EIF3I: variants seen among roughly 807,000 people sequenced by gnomAD.
EIF3I encodes TGF-beta receptor-interacting protein 1.
EIF3I carries 20 observed loss-of-function variants against 43.3 expected under a neutral mutation model. The observed-to-expected ratio is 0.46, with a 90% confidence interval of 0.32 to 0.67. EIF3I has a LOEUF of 0.67. EIF3I is among the 30% of genes least tolerant of loss of function. The probability of loss-of-function intolerance (pLI) is 0.03; values close to 1 mark genes in which losing one functional copy is unlikely to be tolerated. For synonymous variants in EIF3I, 167 were observed against 151.7 expected (o/e 1.10, Z -0.74); for missense variants, 279 against 421.4 (o/e 0.66, Z 2.96).
chr1:32,234,353 A>C (rs1333734122), downstream of EIF3I: 2 of 151,276 alleles, frequency 1.3e-5, no homozygotes, highest in African/African-American at 2.4e-5. Flanking sequence ...CAGGTATCCA[A>C]CCCTTTCCTG....
At chr1:32,226,310 G>A (rs199681410) in exon 5 of EIF3I, 364 of 1,614,014 alleles carry the variant, frequency 2.3e-4, no homozygotes, top group East Asian at 1.8e-4. Flanking sequence ...TGCGGGATCC[G>A]AGCCAGATTG....
In EIF3I at chr1:32,229,013, C is replaced by A. The variant is rs934191548; in HGVS notation, c.730-122C>A. On this transcript the variant is annotated intron_variant, in intron 8 of 11. Coordinates refer to ENST00000676679, the Ensembl canonical transcript of EIF3I. ...GGAGGTGGCAGAAGTGTCTGATCAT[C>A]CCCTACCTTTGGTATCCTCCCATTG... 5.1e-6 allele frequency: 6 copies of A among 1,179,124 alleles called. No individual in the cohort carries two copies. In the Admixed American group the frequency reaches 1.3e-4, roughly 25 times the overall value. 73.0% of individuals were successfully genotyped at this position (1,179,124 alleles called of 1,614,324 possible).
exon 12 of EIF3I, chr1:32,231,288 T>G (rs1569865039): frequency 8.3e-7 from 1 of 1,205,484 alleles, no homozygotes; most frequent in East Asian, 2.4e-5. Flanking sequence ...GTCAGGAGTT[T>G]AAGACCAGCC....
exon 12 of EIF3I, chr1:32,231,180 T>C (rs1359316721): frequency 3.7e-6 from 6 of 1,613,806 alleles, no homozygotes; most frequent in Non-Finnish European, 5.1e-6. Flanking sequence ...TACTTCGAAT[T>C]TGAGTTTGAG....
At chr1:32,228,888 T>C (rs558416925) in intron 8 of EIF3I, 72 bp downstream of exon 8, 3 of 1,334,190 alleles carry the variant, frequency 2.2e-6, no homozygotes, top group African/African-American at 1.4e-5. Flanking sequence ...TGTCCAGAAG[T>C]TGGGCTACAA....
In EIF3I at chr1:32,228,480, A is replaced by G; in HGVS notation, c.529-19A>G. The G allele has an allele frequency of 6.2e-7, 1 of 1,607,464 alleles. No individual in the cohort carries two copies. On this transcript the variant is annotated intron_variant, in intron 6 of 11. Transcript: ENST00000676679. ...GTAGGGATTGGGCCCATTCAGTGTC[A>G]CTCTTCTTCCTTCCCTAGTCTGGAG...
chr1:32,231,239 T>A (rs1639230744), exon 12 of EIF3I: 1 of 1,583,806 alleles, frequency 6.3e-7, no homozygotes, highest in South Asian at 1.1e-5. Flanking sequence ...ATGCCTGTAA[T>A]CCCACCACTT....
chr1:32,227,572 A>G (rs1343281119), intron 6 of EIF3I, among the ~76,000 whole-genome samples: 1 of 152,078 alleles, frequency 6.6e-6, no homozygotes, highest in Non-Finnish European at 1.5e-5. Context: ...CCGGAGATTG[A>G]GATCAGCCTG....
rs150448149 is a variant in EIF3I at position 32,230,179 on chromosome 1, A to G, written c.804-87A>G. Among the ~76,000 whole-genome samples, 1,480 of 150,678 alleles carry G rather than the reference A, an allele frequency of 9.8e-3. 35 individuals are homozygous for G. The highest frequency in any genetic ancestry group is 0.034 in the African/African-American group (1,374 of 41,002). ...TGGGATTACAGGCGTGAACCATGGC[A>G]CGCAGCCACCAATTTCCATCTTATT... is the stretch of plus-strand genomic sequence containing the variant. On this transcript the variant is annotated intron_variant, in intron 9 of 11. Coordinates refer to ENST00000676679, the Ensembl canonical transcript of EIF3I.
chr1:32,229,038 G>A (rs1569862305), intron 8 of EIF3I, 97 bp from the exon 9 acceptor site: 2 of 1,331,746 alleles, frequency 1.5e-6, no homozygotes, highest in East Asian at 4.6e-5. Context: ...TCCTCCCATT[G>A]AGCCGTGTGA....
rs752369057 is a variant in EIF3I at position 32,231,167 on chromosome 1, C to T, written c.1060C>T (p.Gln354Ter). The change falls in exon 12 of 12, where the codon CAG (glutamine) becomes TAG (stop). Residue 354 changes from glutamine (Q) to a stop codon, truncating the protein, a stop_gained. Coordinates refer to ENST00000676679, the Ensembl canonical transcript of EIF3I. LOFTEE classifies it high-confidence loss of function. ...CGTCCGTATCCATTACTTCGACCCA[C>T]AGTACTTCGAATTTGAGTTTGAGGC... 24 of 1,613,838 alleles carry T rather than the reference C, an allele frequency of 1.5e-5. No homozygotes were observed. The highest frequency in any genetic ancestry group is 1.9e-5 in the Non-Finnish European group (22 of 1,179,986).
At chr1:32,224,920 G>A (rs1007191101) in intron 4 of EIF3I, among the ~76,000 whole-genome samples, 8 of 151,930 alleles carry the variant, frequency 5.3e-5, no homozygotes, top group African/African-American at 1.5e-4. Flanking sequence ...TGCAACCTCC[G>A]CCTCCCAGGT....
At chr1:32,231,498 A>T (rs1639236493), downstream of EIF3I, 2 of 250,154 alleles carry the variant, frequency 8.0e-6, no homozygotes, top group South Asian at 5.2e-5. Context: ...TCTCAAAAAA[A>T]AAAAAGAAGA....
At chr1:32,229,016 C>T in intron 8 of EIF3I, 119 bp from the exon 9 acceptor site, 1 of 1,204,244 alleles carries the variant, frequency 8.3e-7, no homozygotes, top group South Asian at 1.4e-5. Context: ...TGATCATCCC[C>T]TACCTTTGGT....
At chr1:32,230,888 AAGAT>A (rs1218173076) in intron 10 of EIF3I, 35 bp from the exon 10 acceptor site, 6 of 1,490,266 alleles carry the variant, frequency 4.0e-6, no homozygotes, top group Non-Finnish European at 5.5e-6. Flanking sequence ...GTTTTGGAAG[AAGAT>A]AGAAAGTGAA....
At chr1:32,230,793 C>T in intron 10 of EIF3I, 134 bp from the exon 10 acceptor site, 1 of 672,540 alleles carries the variant, frequency 1.5e-6, no homozygotes, top group Non-Finnish European at 2.5e-6. Flanking sequence ...CACTGTACTC[C>T]ACCCTGGGTG....
At chr1:32,231,426 G>C (rs998866304), downstream of EIF3I, 15 of 448,372 alleles carry the variant, frequency 3.3e-5, no homozygotes, top group Non-Finnish European at 4.9e-5. Context: ...AGGAGGCAGA[G>C]GTTGCAGTGA....
chr1:32,226,394 C>G lies in EIF3I; in HGVS notation c.401-9C>G. On this transcript the variant is annotated splice_polypyrimidine_tract_variant and intron_variant, in intron 5 of 11. Transcript: ENST00000676679. ...GAGCCCAGGGCCTAACATCTACTGCCCCACACAGACAACAATGAGCCCTAC... is the reference window on the plus strand; with the variant it reads ...GAGCCCAGGGCCTAACATCTACTGCGCCACACAGACAACAATGAGCCCTAC... 1 of 1,608,718 alleles carries G rather than the reference C, an allele frequency of 6.2e-7. No homozygotes were observed. The highest frequency in any genetic ancestry group is 8.5e-7 in the Non-Finnish European group (1 of 1,177,628).
chr1:32,224,417 C>G, exon 4 of EIF3I: 1 of 1,613,562 alleles, frequency 6.2e-7, no homozygotes, highest in African/African-American at 1.3e-5. Flanking sequence ...CAGGGGACAC[C>G]AAGCATGTCC....
Sources: allele counts gnomAD v4.1 joint callset (sites outside exome capture counted in the v4.1 genomes callset), GRCh38; gene constraint gnomAD v4.1.1; transcripts MANE v1.5; gene names NCBI Gene and HGNC (gene_info 2026-07-23, HGNC 2026-07-21).